The following ARHGEF18 variants were observed in gnomAD, a reference collection of about 807,000 sequenced individuals.
ARHGEF18 encodes the protein rho guanine nucleotide exchange factor 18.
ARHGEF18 carries 93 observed loss-of-function variants against 155.7 expected under a neutral mutation model. The ratio of observed to expected loss-of-function variants is 0.60; its 90% CI spans 0.50 to 0.71. The LOEUF (loss-of-function observed/expected upper bound fraction) is 0.71. Ranked by LOEUF, ARHGEF18 falls within the 30% of genes least tolerant of loss-of-function variation. The pLI is 0.00. For missense variants in ARHGEF18, 1,593 were observed against 1,816.1 expected (o/e 0.88, Z 2.23); for synonymous variants, 742 against 753.1 (o/e 0.99, Z 0.24).
chr19:7,476,496 T>C (rs113523518), downstream of ARHGEF18, among the ~76,000 whole-genome samples: 2,846 of 152,284 alleles, frequency 0.019, 95 homozygotes, highest in African/African-American at 0.064. Flanking sequence ...CCACCACACA[T>C]TGGCTGAGGT....
intron 1 of ARHGEF18, among the ~76,000 whole-genome samples, chr19:7,356,740 G>A (rs1197609376): frequency 6.6e-6 from 1 of 152,144 alleles, no homozygotes; most frequent in Non-Finnish European, 1.5e-5. Context: ...CTGCCCATAT[G>A]AGCGCCTCCT....
downstream of ARHGEF18, among the ~76,000 whole-genome samples, chr19:7,474,777 G>A (rs1330437205): frequency 6.6e-6 from 1 of 151,828 alleles, no homozygotes; most frequent in Non-Finnish European, 1.5e-5. Context: ...GTGTGTGTGT[G>A]TGTGTGTCTC....
At chr19:7,466,348 A>C (rs1460107950) in intron 23 of ARHGEF18, among the ~76,000 whole-genome samples, 1 of 142,406 alleles carries the variant, frequency 7.0e-6, no homozygotes, top group East Asian at 2.0e-4. Flanking sequence ...GTGCCATTGC[A>C]CTCCAGCCTG....
At chr19:7,469,857 G>A in intron 27 of ARHGEF18, 47 bp from the exon 28 acceptor site, 3 of 1,598,442 alleles carry the variant, frequency 1.9e-6, no homozygotes, top group Non-Finnish European at 2.6e-6. Context: ...GGCGGGTGGG[G>A]ACAGCTGGCC....
At chr19:7,456,607 C>T (rs1464730889) in intron 18 of ARHGEF18, among the ~76,000 whole-genome samples, 1 of 152,130 alleles carries the variant, frequency 6.6e-6, no homozygotes, top group East Asian at 1.9e-4. Flanking sequence ...GTCCCAGCTA[C>T]TCAGGAGGCT....
Position 7,468,845 on chromosome 19 carries a change from TC to T in ARHGEF18, c.3504del (p.Ser1169AlafsTer12). The T allele has an allele frequency of 6.4e-7, 1 of 1,563,496 alleles. No homozygotes were observed. The highest frequency in any genetic ancestry group is 8.7e-7 in the Non-Finnish European group (1 of 1,150,862). ...CTCAGGCCCAGCCCCCAAGCCACCC[TC>T]CCAGCTTCAACGGGGAAGGGCTGGA... is the stretch of plus-strand genomic sequence containing the variant. ...LAEAQPPSHP[P>X]SFNGEGLEGP... On this transcript the variant is annotated frameshift_variant, in exon 27 of 29. Coordinates refer to ENST00000668164, the MANE Select transcript of ARHGEF18 (RefSeq NM_001367823.1). LOFTEE classifies it high-confidence loss of function.
At chr19:7,431,579 T>G (rs1295466015) in intron 10 of ARHGEF18, among the ~76,000 whole-genome samples, 2 of 135,866 alleles carry the variant, frequency 1.5e-5, no homozygotes, top group South Asian at 2.4e-4. Context: ...ACTTTGGGAG[T>G]CCAAGGCGGG....
At chr19:7,416,219 T>G (rs1400190785) in intron 10 of ARHGEF18, among the ~76,000 whole-genome samples, 1 of 148,964 alleles carries the variant, frequency 6.7e-6, no homozygotes, top group Non-Finnish European at 1.5e-5. Context: ...CTGGGCAACA[T>G]AGCAAGACCC....
At chr19:7,458,853 C>T (rs1047890993) in intron 19 of ARHGEF18, among the ~76,000 whole-genome samples, 163 bp downstream of exon 19, 2 of 152,214 alleles carry the variant, frequency 1.3e-5, no homozygotes, top group African/African-American at 2.4e-5. Flanking sequence ...ACCTGTTGGA[C>T]GTTGAGGCCA....
chr19:7,379,123 C>T lies in ARHGEF18; in HGVS notation c.601C>T (p.Leu201=), dbSNP rs754928758. 19 of 1,232,370 alleles carry T rather than the reference C, an allele frequency of 1.5e-5. No individual in the cohort carries two copies. Among genetic ancestry groups the T allele is most frequent in the Non-Finnish European group, 1.8e-5 (18 of 988,264 alleles). 76.3% of individuals were successfully genotyped at this position (1,232,370 alleles called of 1,614,324 possible). A position where few individuals can be genotyped will look rare whatever the true frequency, so the allele number is the denominator to read the frequency against. The change falls in exon 7 of 29, where the codon CTG becomes TTG. Residue 201 remains leucine (L), a splice_region_variant and synonymous_variant. Transcript: ENST00000668164. ...CTAATCCCACCTCCACCCCCACAGG[C>T]TGATTGTCCAGCAGGTGCTTCAAGA... is the stretch of plus-strand genomic sequence containing the variant. ...EKDHVEPDHV[L]IVQQVLQELR...
In ARHGEF18 at chr19:7,470,388, C is replaced by T. The variant is rs1309718438; in HGVS notation, c.*90C>T. On this transcript the variant is annotated 3_prime_UTR_variant, in exon 29 of 29. Coordinates refer to ENST00000668164, the MANE Select transcript of ARHGEF18 (RefSeq NM_001367823.1). This position sits in a 1 kb window ranked among gnomAD's most constrained non-coding sequence, Gnocchi z 5.9. ...CCCCCATGGGGTCACCATGCCCACC[C>T]AGCTGTCCCCTCCTCTTCCCTAGCA... 8.2e-7 allele frequency: 1 copy of T among 1,217,560 alleles called. No homozygotes were observed. The highest frequency in any genetic ancestry group is 1.1e-6 in the Non-Finnish European group (1 of 950,746). 75.4% of individuals were successfully genotyped at this position (1,217,560 alleles called of 1,614,324 possible).
intron 13 of ARHGEF18, 27 bp downstream of exon 13, chr19:7,442,079 C>A: frequency 1.2e-6 from 2 of 1,612,250 alleles, no homozygotes; most frequent in South Asian, 2.2e-5. Context: ...CCTGTGCCAT[C>A]ACACCGGCCC....
In ARHGEF18 at chr19:7,383,190, T is replaced by C. The variant is rs1225521874; in HGVS notation, c.954T>C (p.Pro318=). Residue 318 remains proline, a synonymous_variant, in exon 10 of 29, where the codon CCT becomes CCC. Coordinates refer to ENST00000668164, the MANE Select transcript of ARHGEF18 (RefSeq NM_001367823.1). Reference sequence around the variant, plus strand: ...CCAGCTGCCCCCTGTGTGGCAAACCTTTCTTGAGCTCAGGTAAGTCTGGTG... The same window carrying C: ...CCAGCTGCCCCCTGTGTGGCAAACCCTTCTTGAGCTCAGGTAAGTCTGGTG... ...GPSSCPLCGK[P]FLSSASLKEH... is the part of the protein sequence containing the mutation. The C allele has an allele frequency of 1.6e-6, 2 of 1,232,188 alleles. No homozygotes were observed. Among genetic ancestry groups the C allele is most frequent in the Non-Finnish European group, 2.0e-6 (2 of 988,102 alleles). 76.3% of individuals were successfully genotyped at this position (1,232,188 alleles called of 1,614,324 possible). A position where few individuals can be genotyped will look rare whatever the true frequency, so the allele number is the denominator to read the frequency against.
chr19:7,395,295 G>T lies in ARHGEF18; in HGVS notation c.967+12092G>T, dbSNP rs2145536331. The T allele has an allele frequency of 2.0e-6, 2 of 985,820 alleles. No homozygotes were observed. Among genetic ancestry groups the T allele is most frequent in the South Asian group, 4.7e-5 (1 of 21,308 alleles). 61.1% of individuals were successfully genotyped at this position (985,820 alleles called of 1,614,324 possible). A position where few individuals can be genotyped will look rare whatever the true frequency, so the allele number is the denominator to read the frequency against. On this transcript the variant is annotated intron_variant, in intron 10 of 28. Coordinates refer to ENST00000668164, the MANE Select transcript of ARHGEF18 (RefSeq NM_001367823.1). The surrounding 1 kb of genome is among the most constrained non-coding windows in gnomAD (Gnocchi z 5.0). ...CCCGAGGAAAACGGGGCTCAGGAGG[G>T]GGCCCTCGGTCTCTTCAGGGGGTGG...
Position 7,349,065 on chromosome 19 carries a change from C to CAGGCAGTTGAGAAAG in ARHGEF18, c.-283_-269dup, listed in dbSNP as rs1480340103. 1 of 152,340 alleles carries CAGGCAGTTGAGAAAG rather than the reference C, an allele frequency of 6.6e-6. No individual in the cohort carries two copies. The highest frequency in any genetic ancestry group is 1.5e-5 in the Non-Finnish European group (1 of 68,150). 9.4% of individuals were successfully genotyped at this position (152,340 alleles called of 1,614,324 possible). A position where few individuals can be genotyped will look rare whatever the true frequency, so the allele number is the denominator to read the frequency against. On this transcript the variant is annotated 5_prime_UTR_variant, in exon 1 of 29. Coordinates refer to ENST00000668164, the MANE Select transcript of ARHGEF18 (RefSeq NM_001367823.1). ...GGGAGCAGAGTGGCAAGCATGCAGG[C>CAGGCAGTTGAGAAAG]AGGCAGTTGAGAAAGAGGAAGTCGA...
chr19:7,368,670 C>G (rs897450145), intron 2 of ARHGEF18, among the ~76,000 whole-genome samples: 1 of 152,060 alleles, frequency 6.6e-6, no homozygotes, highest in Non-Finnish European at 1.5e-5. Flanking sequence ...AAGAGGCTGT[C>G]CTGACGTGTT....
intron 10 of ARHGEF18, among the ~76,000 whole-genome samples, chr19:7,388,055 G>A (rs1186888669): frequency 6.6e-6 from 1 of 152,114 alleles, no homozygotes; most frequent in African/African-American, 2.4e-5. Context: ...TAGCAAGCAA[G>A]GTGAGTGGCT....
intron 10 of ARHGEF18, among the ~76,000 whole-genome samples, chr19:7,433,138 A>G (rs893773043): frequency 1.7e-4 from 25 of 150,282 alleles, no homozygotes; most frequent in African/African-American, 6.1e-4. Flanking sequence ...TCTAGCCTAG[A>G]TGATGGAGCG....
chr19:7,383,730 C>T lies in ARHGEF18; in HGVS notation c.967+527C>T, dbSNP rs1970856549. ...AGGGGCCCACCACACTCCAGTGTGG[C>T]CTCAGCTTAGCTTATTTACATCCAT... is the stretch of plus-strand genomic sequence containing the variant. On this transcript the variant is annotated intron_variant, in intron 10 of 28. Transcript: ENST00000668164. Among the ~76,000 whole-genome samples the T allele has an allele frequency of 2.7e-5, 4 of 150,510 alleles. No individual in the cohort carries two copies. The South Asian group carries it at 6.3e-4, about 24-fold the overall frequency.
Sources: gnomAD v4.1 joint callset for allele counts (sites outside exome capture counted in the v4.1 genomes callset) on GRCh38, gnomAD v4.1.1 for gene constraint, Gnocchi (gnomAD v3.1) non-coding constraint, MANE v1.5 for transcripts, NCBI Gene and HGNC (gene_info 2026-07-23, HGNC 2026-07-21) for gene names.